NMNAT3: variants seen among roughly 807,000 people sequenced by gnomAD.
NMNAT3 encodes nicotinamide nucleotide adenylyltransferase 3, also known as nicotinamide/nicotinic acid mononucleotide adenylyltransferase 3.
A neutral mutation model predicts 24.8 loss-of-function variants in NMNAT3; 21 were observed. That is an observed-to-expected ratio of 0.85 (90% CI 0.60 to 1.22). The LOEUF (loss-of-function observed/expected upper bound fraction) is 1.22, where lower values mean the gene tolerates loss of function less well. Among genes scored for constraint, NMNAT3 ranks in the 50% most tolerant of loss-of-function variants. The pLI is 0.00. For synonymous variants in NMNAT3, 136 were observed against 155.2 expected (o/e 0.88, Z 0.92); for missense variants, 387 against 436.6 (o/e 0.89, Z 1.01).
At chr3:139,586,492 T>A (rs77031477) in intron 3 of NMNAT3, among the ~76,000 whole-genome samples, 3,987 of 152,058 alleles carry the variant, frequency 0.026, 190 homozygotes, top group African/African-American at 0.089. Context: ...AGCATTTTCC[T>A]TCCATGGTAA....
At chr3:139,672,981 A>G (rs1050502922) in intron 1 of NMNAT3, among the ~76,000 whole-genome samples, 2 of 152,146 alleles carry the variant, frequency 1.3e-5, no homozygotes, top group South Asian at 4.1e-4. Context: ...CTGCCAGCTC[A>G]CCCTGCCACA....
intron 3 of NMNAT3, among the ~76,000 whole-genome samples, chr3:139,611,649 C>T (rs2055220938): frequency 6.6e-6 from 1 of 152,104 alleles, no homozygotes; most frequent in African/African-American, 2.4e-5. Context: ...GAAGAGAATC[C>T]CAAGACCCAG....
chr3:139,634,103 T>C (rs998716383), intron 2 of NMNAT3, among the ~76,000 whole-genome samples: 1 of 152,212 alleles, frequency 6.6e-6, no homozygotes, highest in Non-Finnish European at 1.5e-5. Flanking sequence ...ATACTCCATG[T>C]GTATTAAGTT....
At chr3:139,562,182 A>G (rs1936505057) in intron 6 of NMNAT3, among the ~76,000 whole-genome samples, 1 of 152,170 alleles carries the variant, frequency 6.6e-6, no homozygotes, top group Admixed American at 6.5e-5. Flanking sequence ...AGGCAGAGAG[A>G]GATAAGTGAC....
intron 1 of NMNAT3, among the ~76,000 whole-genome samples, chr3:139,646,635 G>T (rs1450865663): frequency 6.6e-6 from 1 of 152,212 alleles, no homozygotes; most frequent in Non-Finnish European, 1.5e-5. Context: ...GCCAAAGGGA[G>T]TTCTGCTGAA....
At chr3:139,622,649 C>T (rs913741257) in intron 3 of NMNAT3, among the ~76,000 whole-genome samples, 3 of 150,328 alleles carry the variant, frequency 2.0e-5, no homozygotes, top group African/African-American at 4.9e-5. Context: ...ACAGGAGAAT[C>T]GCTTGAACAT....
intron 5 of NMNAT3, chr3:139,576,390 C>G (rs926523230): frequency 6.0e-5 from 32 of 530,024 alleles, no homozygotes; most frequent in Non-Finnish European, 7.2e-5. Flanking sequence ...AACAGTGATT[C>G]TCAATTTTGG....
chr3:139,630,538 TAGGAA>T (rs1336313063), intron 2 of NMNAT3, among the ~76,000 whole-genome samples: 1 of 152,206 alleles, frequency 6.6e-6, no homozygotes, highest in East Asian at 1.9e-4. Flanking sequence ...GTAAACCCTT[TAGGAA>T]GGGAAGTGGT....
intron 1 of NMNAT3, among the ~76,000 whole-genome samples, chr3:139,661,522 G>A (rs1293868664): frequency 3.3e-5 from 5 of 152,102 alleles, no homozygotes; most frequent in South Asian, 2.1e-4. Context: ...TTTAAATAAC[G>A]TAGCCAGGTG....
intron 3 of NMNAT3, among the ~76,000 whole-genome samples, chr3:139,610,559 C>G (rs902511395): frequency 6.6e-6 from 1 of 152,108 alleles, no homozygotes; most frequent in Non-Finnish European, 1.5e-5. Context: ...TTTTTCAGAC[C>G]AGGCTGGAGA....
At chr3:139,577,162 G>C (rs1449281407) in intron 5 of NMNAT3, among the ~76,000 whole-genome samples, 1 of 152,036 alleles carries the variant, frequency 6.6e-6, no homozygotes, top group Non-Finnish European at 1.5e-5. Flanking sequence ...AATGCGTTCA[G>C]TACAATCTTA....
intron 3 of NMNAT3, among the ~76,000 whole-genome samples, chr3:139,589,903 C>T (rs773855172): frequency 1.5e-4 from 23 of 152,086 alleles, no homozygotes; most frequent in Non-Finnish European, 2.6e-4. Context: ...TGCCAGAAGA[C>T]GAACTCCACC....
intron 3 of NMNAT3, among the ~76,000 whole-genome samples, chr3:139,602,455 A>G (rs1266748245): frequency 6.6e-6 from 1 of 152,252 alleles, no homozygotes; most frequent in African/African-American, 2.4e-5. Context: ...AGAAGACAAT[A>G]TATTAATGTC....
At chr3:139,653,215 C>T (rs2057115499) in intron 1 of NMNAT3, among the ~76,000 whole-genome samples, 1 of 152,068 alleles carries the variant, frequency 6.6e-6, no homozygotes, top group African/African-American at 2.4e-5. Flanking sequence ...CCTAAGAGGT[C>T]ATCCTGTAAA....
intron 1 of NMNAT3, among the ~76,000 whole-genome samples, chr3:139,673,787 A>C (rs1240066651): frequency 1.3e-5 from 2 of 151,994 alleles, no homozygotes; most frequent in Non-Finnish European, 2.9e-5. Context: ...AAAGGGAGGA[A>C]GGAATAGAGA....
At chr3:139,594,571 C>T (rs1477591208) in intron 3 of NMNAT3, among the ~76,000 whole-genome samples, 1 of 152,186 alleles carries the variant, frequency 6.6e-6, no homozygotes, top group Admixed American at 6.5e-5. Context: ...CAATAAAATA[C>T]TGGCAAACCG....
At chr3:139,564,230 A>G (rs973634914) in intron 6 of NMNAT3, among the ~76,000 whole-genome samples, 5 of 152,176 alleles carry the variant, frequency 3.3e-5, no homozygotes, top group African/African-American at 1.2e-4. Context: ...CTGGCGCAGC[A>G]TGTGAACACT....
chr3:139,637,865 C>T (rs1405946439), intron 2 of NMNAT3, 98 bp downstream of exon 2: 1 of 152,160 alleles, frequency 6.6e-6, no homozygotes, highest in Non-Finnish European at 1.5e-5. Flanking sequence ...TATTTTGTAG[C>T]CTCCATTCTT....
chr3:139,575,985 G>A, intron 5 of NMNAT3: 3 of 1,287,530 alleles, frequency 2.3e-6, no homozygotes, highest in Non-Finnish European at 3.0e-6. Context: ...CTGAGCCTCA[G>A]TTTCTTTATC....
Sources: gnomAD v4.1 joint callset for allele counts (sites outside exome capture counted in the v4.1 genomes callset) on GRCh38, gnomAD v4.1.1 for gene constraint, MANE v1.5 for transcripts, NCBI Gene and HGNC (gene_info 2026-07-23, HGNC 2026-07-21) for gene names.